The following HS6ST3 variants were observed in gnomAD, a reference collection of about 807,000 sequenced individuals.
HS6ST3 encodes the protein heparan-sulfate 6-O-sulfotransferase 3.
Under a neutral mutation model 36.7 loss-of-function variants are expected in HS6ST3, and 12 were observed. The ratio of observed to expected loss-of-function variants is 0.33; its 90% CI spans 0.21 to 0.53. The LOEUF (loss-of-function observed/expected upper bound fraction) is 0.53. Among genes scored for constraint, HS6ST3 ranks in the 20% least tolerant of loss-of-function variants. HS6ST3 has a pLI of 0.95. For synonymous variants in HS6ST3, 240 were observed against 257.5 expected, an observed-to-expected ratio of 0.93 and a Z score of 0.65; for missense variants, 584 against 640.9, an observed-to-expected ratio of 0.91 and a Z score of 0.96.
At chr13:96,387,811 A>G (rs1374839578) in intron 1 of HS6ST3, among the ~76,000 whole-genome samples, 1 of 152,174 alleles carries the variant, frequency 6.6e-6, no homozygotes, top group Non-Finnish European at 1.5e-5. Context: ...AAGGTCCAGA[A>G]GATTTGCATG....
rs189396217 is a variant in HS6ST3 at position 96,159,757 on chromosome 13, A to C, written c.707+68188A>C. On this transcript the variant is annotated intron_variant, in intron 1 of 1. Coordinates refer to ENST00000376705, the MANE Select transcript of HS6ST3 (RefSeq NM_153456.4). ...AACCATTTGACTAATTTTGAGCTAC[A>C]AAAAGAGCAGTTTCATGGAGTTCAA... Among the ~76,000 whole-genome samples the C allele has an allele frequency of 7.2e-5, 11 of 152,350 alleles. No individual in the cohort carries two copies. In the East Asian group the frequency reaches 2.1e-3, roughly 29 times the overall value.
chr13:96,665,851 T>G (rs990542399), intron 1 of HS6ST3, among the ~76,000 whole-genome samples: 2 of 152,132 alleles, frequency 1.3e-5, no homozygotes, highest in Non-Finnish European at 1.5e-5. Flanking sequence ...TTACCTCAAG[T>G]TTTAAAAGTG....
chr13:96,436,023 C>T (rs2055639932), intron 1 of HS6ST3, among the ~76,000 whole-genome samples: 1 of 152,156 alleles, frequency 6.6e-6, no homozygotes, highest in Non-Finnish European at 1.5e-5. Flanking sequence ...GAAGATCTTG[C>T]TCTTTCCTAA....
intron 1 of HS6ST3, among the ~76,000 whole-genome samples, chr13:96,340,672 C>T (rs2055125576): frequency 6.6e-6 from 1 of 152,228 alleles, no homozygotes; most frequent in Non-Finnish European, 1.5e-5. Flanking sequence ...GGTGTCCTTT[C>T]ATTTACATGT....
intron 1 of HS6ST3, among the ~76,000 whole-genome samples, chr13:96,159,024 A>T (rs2054123844): frequency 6.6e-6 from 1 of 152,178 alleles, no homozygotes. Context: ...GGTTGTGTGT[A>T]TGTATTTGTG....
chr13:96,290,394 A>G (rs1459363543), intron 1 of HS6ST3, among the ~76,000 whole-genome samples: 1 of 152,142 alleles, frequency 6.6e-6, no homozygotes, highest in Non-Finnish European at 1.5e-5. Flanking sequence ...ACAATTGCAG[A>G]GATAAAAAGG....
At chr13:96,241,725 G>A (rs1594728267) in intron 1 of HS6ST3, among the ~76,000 whole-genome samples, 1 of 149,640 alleles carries the variant, frequency 6.7e-6, no homozygotes, top group Admixed American at 6.7e-5. Flanking sequence ...TGTTGTAGAA[G>A]TAGAACAGAA....
intron 1 of HS6ST3, among the ~76,000 whole-genome samples, chr13:96,147,534 G>A (rs1337051293): frequency 1.3e-5 from 2 of 152,210 alleles, no homozygotes; most frequent in African/African-American, 4.8e-5. Flanking sequence ...TTGCACATCT[G>A]CTTGTTCCCC....
intron 1 of HS6ST3, among the ~76,000 whole-genome samples, chr13:96,179,244 T>G (rs2054227286): frequency 6.6e-6 from 1 of 152,218 alleles, no homozygotes; most frequent in African/African-American, 2.4e-5. Context: ...TGGGACCCCA[T>G]TTAATATAGG....
At chr13:96,622,829 TC>T (rs1312480691) in intron 1 of HS6ST3, among the ~76,000 whole-genome samples, 2 of 152,208 alleles carry the variant, frequency 1.3e-5, no homozygotes, top group African/African-American at 4.8e-5. Context: ...TTTCATTCTG[TC>T]TTCATATGGT....
intron 1 of HS6ST3, among the ~76,000 whole-genome samples, chr13:96,746,124 G>A (rs1440745204): frequency 6.6e-6 from 1 of 152,060 alleles, no homozygotes; most frequent in African/African-American, 2.4e-5. Context: ...TAAAAAGAGT[G>A]TATTTTCTTG....
At chr13:96,392,647 G>A (rs1021340181) in intron 1 of HS6ST3, among the ~76,000 whole-genome samples, 6 of 152,174 alleles carry the variant, frequency 3.9e-5, no homozygotes, top group South Asian at 2.1e-4. Context: ...AAATGGGTGC[G>A]CAGTCTGTGC....
intron 1 of HS6ST3, among the ~76,000 whole-genome samples, chr13:96,484,293 C>CTCCT (rs146488079): frequency 5.1e-4 from 77 of 151,770 alleles, no homozygotes; most frequent in East Asian, 1.2e-3. Context: ...TCCTTCCTTC[C>CTCCT]TCCTTCCTTC....
At chr13:96,152,560 A>G (rs896455256) in intron 1 of HS6ST3, among the ~76,000 whole-genome samples, 3 of 151,808 alleles carry the variant, frequency 2.0e-5, no homozygotes, top group Admixed American at 6.6e-5. Flanking sequence ...GATGGTCTCC[A>G]TCTCCTGACC....
intron 1 of HS6ST3, among the ~76,000 whole-genome samples, chr13:96,335,349 G>A (rs143810206): frequency 0.012 from 1,862 of 152,308 alleles, 9 homozygotes; most frequent in Non-Finnish European, 0.02. Flanking sequence ...TATATTTACT[G>A]ACAACACCAT....
chr13:96,346,963 G>T (rs2055158475), intron 1 of HS6ST3, among the ~76,000 whole-genome samples: 1 of 152,060 alleles, frequency 6.6e-6, no homozygotes, highest in Non-Finnish European at 1.5e-5. Context: ...TGTTGGAGAG[G>T]TCCCCATGGC....
At chr13:96,226,677 T>C (rs940058865) in intron 1 of HS6ST3, among the ~76,000 whole-genome samples, 2 of 152,236 alleles carry the variant, frequency 1.3e-5, no homozygotes, top group African/African-American at 4.8e-5. Context: ...TTCTGTCTTA[T>C]ACATAGTGAA....
chr13:96,533,796 A>G (rs964978678), intron 1 of HS6ST3, among the ~76,000 whole-genome samples: 3 of 152,174 alleles, frequency 2.0e-5, no homozygotes, highest in African/African-American at 4.8e-5. Flanking sequence ...GCAGGCATTC[A>G]CACCTCTGCT....
At chr13:96,117,190 G>A (rs2053897742) in intron 1 of HS6ST3, among the ~76,000 whole-genome samples, 1 of 152,034 alleles carries the variant, frequency 6.6e-6, no homozygotes, top group South Asian at 2.1e-4. Flanking sequence ...ATTTTGAATG[G>A]AGTCCTAGGA....
Sources: gnomAD v4.1 joint callset for allele counts (sites outside exome capture counted in the v4.1 genomes callset) on GRCh38, gnomAD v4.1.1 for gene constraint, MANE v1.5 for transcripts, NCBI Gene and HGNC (gene_info 2026-07-23, HGNC 2026-07-21) for gene names.